The following ASTN1 variants were observed in gnomAD, a reference collection of about 807,000 sequenced individuals.
ASTN1 encodes the protein astrotactin-1.
A neutral mutation model predicts 140.7 loss-of-function variants in ASTN1; 41 were observed. The ratio of observed to expected loss-of-function variants is 0.29; its 90% CI spans 0.23 to 0.38. The LOEUF is 0.38. Among genes scored for constraint, ASTN1 ranks in the 10% least tolerant of loss-of-function variants. ASTN1 has a pLI of 1.00. For synonymous variants in ASTN1, 640 were observed against 652.2 expected, an observed-to-expected ratio of 0.98 and a Z score of 0.29; for missense variants, 1,479 against 1,678.8, an observed-to-expected ratio of 0.88 and a Z score of 2.08.
intron 7 of ASTN1, among the ~76,000 whole-genome samples, chr1:177,018,946 G>A (rs989704716): frequency 2.0e-5 from 3 of 152,184 alleles, no homozygotes; most frequent in Admixed American, 2.0e-4. Context: ...ACAAACCTGG[G>A]GACATATGGG....
intron 21 of ASTN1, among the ~76,000 whole-genome samples, chr1:176,875,728 T>TA (rs1278295698): frequency 6.6e-6 from 1 of 152,218 alleles, no homozygotes; most frequent in African/African-American, 2.4e-5. Flanking sequence ...TTGCACAACC[T>TA]AAAACTTTCA....
intron 1 of ASTN1, among the ~76,000 whole-genome samples, chr1:177,111,723 T>C (rs1680829979): frequency 6.6e-6 from 1 of 152,136 alleles, no homozygotes; most frequent in South Asian, 2.1e-4. Context: ...ATGTATCACC[T>C]CAATCTCTCA....
At chr1:177,064,571 G>A (rs1459548232) in intron 1 of ASTN1, among the ~76,000 whole-genome samples, 1 of 152,174 alleles carries the variant, frequency 6.6e-6, no homozygotes, top group Non-Finnish European at 1.5e-5. Context: ...TGGGCTGAGA[G>A]CACAGCCTCT....
intron 5 of ASTN1, chr1:177,029,319 G>T (rs540101845): frequency 1.3e-4 from 75 of 559,210 alleles, no homozygotes; most frequent in Admixed American, 8.5e-4. Flanking sequence ...AACTTTGTTT[G>T]TCTGAACAGC....
chr1:177,110,417 G>T (rs1050238825), intron 1 of ASTN1, among the ~76,000 whole-genome samples: 1 of 152,158 alleles, frequency 6.6e-6, no homozygotes, highest in Non-Finnish European at 1.5e-5. Context: ...CATAACATTA[G>T]CTCTGAATCT....
intron 20 of ASTN1, among the ~76,000 whole-genome samples, chr1:176,881,992 A>T (rs1668820984): frequency 6.6e-6 from 1 of 152,210 alleles, no homozygotes; most frequent in African/African-American, 2.4e-5. Context: ...CAACGACATC[A>T]CTATGAATTC....
At chr1:177,100,012 A>G (rs551788884) in intron 1 of ASTN1, among the ~76,000 whole-genome samples, 62 of 152,304 alleles carry the variant, frequency 4.1e-4, no homozygotes, top group African/African-American at 1.4e-3. Context: ...GTGAATGCTG[A>G]GGTGTTAAGA....
At chr1:176,884,210 C>T in intron 19 of ASTN1, 129 bp downstream of exon 19, 1 of 1,047,474 alleles carries the variant, frequency 9.5e-7, no homozygotes, top group Non-Finnish European at 1.3e-6. Flanking sequence ...GCTTCTTCTT[C>T]TCCCTGCTCC....
intron 11 of ASTN1, among the ~76,000 whole-genome samples, chr1:176,952,274 A>AAC (rs144279619): frequency 4.5e-4 from 68 of 149,708 alleles, no homozygotes; most frequent in South Asian, 1.3e-3. Context: ...CAAACACACA[A>AAC]ACACACACAC....
chr1:176,980,939 C>T (rs139729625), intron 8 of ASTN1, among the ~76,000 whole-genome samples: 5 of 152,108 alleles, frequency 3.3e-5, no homozygotes, highest in East Asian at 1.9e-4. Context: ...AGGCTGGGAA[C>T]GCTGGCTCAC....
At chr1:176,935,158 G>C (rs114591978) in intron 15 of ASTN1, among the ~76,000 whole-genome samples, 6 of 152,130 alleles carry the variant, frequency 3.9e-5, no homozygotes, top group Middle Eastern at 3.4e-3. Flanking sequence ...AGCTTTTCAC[G>C]GTCTCCTTTT....
chr1:177,001,051 G>A (rs1215179518), intron 8 of ASTN1, among the ~76,000 whole-genome samples: 1 of 152,206 alleles, frequency 6.6e-6, no homozygotes, highest in African/African-American at 2.4e-5. Context: ...ACAGAGGTCT[G>A]TGGATGTTCT....
At chr1:176,943,420 C>T (rs1203791638) in intron 14 of ASTN1, among the ~76,000 whole-genome samples, 1 of 152,100 alleles carries the variant, frequency 6.6e-6, no homozygotes, top group East Asian at 1.9e-4. Flanking sequence ...TGGCACACAG[C>T]TAGAAAGTAG....
chr1:177,062,189 G>C (rs182453308), intron 1 of ASTN1, among the ~76,000 whole-genome samples: 719 of 152,022 alleles, frequency 4.7e-3, no homozygotes, highest in Non-Finnish European at 7.8e-3. Context: ...TAGGGAACTA[G>C]TATTCTGCTG....
At chr1:176,932,493 A>C (rs1671251273) in intron 16 of ASTN1, among the ~76,000 whole-genome samples, 1 of 152,256 alleles carries the variant, frequency 6.6e-6, no homozygotes, top group Admixed American at 6.5e-5. Context: ...CATAAACCCT[A>C]TAACTTAGAG....
At position 176,888,249 on chromosome 1, in the gene ASTN1, G is replaced by A. The variant is rs772334514; in HGVS notation, c.2941-45C>T. 4 of 1,605,346 alleles carry A rather than the reference G, an allele frequency of 2.5e-6. No individual in the cohort carries two copies. The Admixed American group carries it at 5.0e-5, about 20-fold the overall frequency. On this transcript the variant is annotated intron_variant, in intron 17 of 22. Coordinates refer to ENST00000361833, the MANE Select transcript of ASTN1 (RefSeq NM_004319.3). ...AAAGATTGAGTGTTGAGAAGCCAGG[G>A]CTAGGCCATCAGAATCAAGAGGCAG...
At chr1:177,067,910 C>T (rs1266499406) in intron 1 of ASTN1, among the ~76,000 whole-genome samples, 1 of 152,070 alleles carries the variant, frequency 6.6e-6, no homozygotes, top group Non-Finnish European at 1.5e-5. Context: ...TTGGACTGAG[C>T]TGGCTGAGCC....
chr1:177,115,685 A>T (rs1681050627), intron 1 of ASTN1, among the ~76,000 whole-genome samples: 1 of 151,464 alleles, frequency 6.6e-6, no homozygotes, highest in Non-Finnish European at 1.5e-5. Context: ...TAAATAAATA[A>T]ATAAATAAAT....
At chr1:177,063,424 C>T (rs542751782) in intron 1 of ASTN1, among the ~76,000 whole-genome samples, 20 of 152,178 alleles carry the variant, frequency 1.3e-4, no homozygotes, top group Non-Finnish European at 1.9e-4. Flanking sequence ...GGTGTGAGGA[C>T]GGACAATCCC....
Sources: gnomAD v4.1 joint callset for allele counts (sites outside exome capture counted in the v4.1 genomes callset) on GRCh38, gnomAD v4.1.1 for gene constraint, MANE v1.5 for transcripts, NCBI Gene and HGNC (gene_info 2026-07-23, HGNC 2026-07-21) for gene names.